Variants in CFAP299 observed in about 807,000 individuals in gnomAD.
CFAP299 encodes cilia and flagella associated protein 299.
A neutral mutation model predicts 27.0 loss-of-function variants in CFAP299; 21 were observed. That is an observed-to-expected ratio of 0.78 (90% CI 0.55 to 1.12). The LOEUF is 1.12. Among genes scored for constraint, CFAP299 ranks in the 50% most tolerant of loss-of-function variants. The pLI, the probability that CFAP299 is intolerant of heterozygous loss-of-function variation, is 0.00. For synonymous variants in CFAP299, 104 were observed against 98.1 expected, an observed-to-expected ratio of 1.06 and a Z score of -0.36; for missense variants, 310 against 276.6, an observed-to-expected ratio of 1.12 and a Z score of -0.86.
chr4:80,480,617 A>T (rs1730515931), intron 2 of CFAP299, among the ~76,000 whole-genome samples: 1 of 152,042 alleles, frequency 6.6e-6, no homozygotes, highest in Admixed American at 6.5e-5. Context: ...TTCAAGGCCT[A>T]ATTAGTTTTG....
intron 4 of CFAP299, among the ~76,000 whole-genome samples, chr4:80,913,925 A>C (rs1353407112): frequency 2.6e-5 from 4 of 152,058 alleles, no homozygotes. Context: ...CTTGAATTTC[A>C]CTTAACTGGA....
At chr4:80,947,654 T>G (rs1165201906) in intron 5 of CFAP299, among the ~76,000 whole-genome samples, 1 of 152,164 alleles carries the variant, frequency 6.6e-6, no homozygotes, top group Non-Finnish European at 1.5e-5. Flanking sequence ...AGGTTGTTCA[T>G]GAACTGCAGT....
intron 2 of CFAP299, chr4:80,420,364 C>G (rs1727235011): frequency 3.1e-6 from 1 of 323,616 alleles, no homozygotes; most frequent in Admixed American, 3.5e-5. Flanking sequence ...GCCCTCTGAA[C>G]AGTCATCTCA....
the CFAP299 span, among the ~76,000 whole-genome samples, chr4:80,329,835 G>A: frequency 6.6e-6 from 1 of 152,120 alleles, no homozygotes; most frequent in African/African-American, 2.4e-5. Context: ...AAGCTCTTAG[G>A]AATTCTATAG....
At chr4:80,527,110 A>G (rs1173027989) in intron 2 of CFAP299, among the ~76,000 whole-genome samples, 3 of 152,148 alleles carry the variant, frequency 2.0e-5, no homozygotes, top group African/African-American at 4.8e-5. Context: ...CCTTCGTGCT[A>G]AGCATATTCA....
chr4:80,924,557 T>C (rs1465589549), intron 4 of CFAP299, among the ~76,000 whole-genome samples: 1 of 149,402 alleles, frequency 6.7e-6, no homozygotes, highest in Non-Finnish European at 1.5e-5. Flanking sequence ...TATATATATA[T>C]ATATATCTGT....
chr4:80,622,616 G>C (rs1322395710), intron 3 of CFAP299, among the ~76,000 whole-genome samples: 1 of 151,954 alleles, frequency 6.6e-6, no homozygotes, highest in Non-Finnish European at 1.5e-5. Flanking sequence ...TTCTCACTCA[G>C]ATAGCAAAAT....
At chr4:80,648,326 T>C (rs1182974462) in intron 3 of CFAP299, among the ~76,000 whole-genome samples, 1 of 152,212 alleles carries the variant, frequency 6.6e-6, no homozygotes, top group Non-Finnish European at 1.5e-5. Flanking sequence ...GAGCAGTCAC[T>C]TGCCTAGAAA....
At chr4:80,478,398 G>T (rs1181874779) in intron 2 of CFAP299, among the ~76,000 whole-genome samples, 5 of 151,872 alleles carry the variant, frequency 3.3e-5, no homozygotes, top group African/African-American at 1.2e-4. Context: ...ATAACAAAAG[G>T]CATATAAATT....
At chr4:80,681,285 G>A (rs942678810) in intron 3 of CFAP299, among the ~76,000 whole-genome samples, 1 of 152,114 alleles carries the variant, frequency 6.6e-6, no homozygotes, top group Non-Finnish European at 1.5e-5. Flanking sequence ...TTCTGCATAT[G>A]CATATGTCTG....
chr4:80,751,891 C>A (rs548331958), intron 3 of CFAP299, among the ~76,000 whole-genome samples: 5 of 152,250 alleles, frequency 3.3e-5, no homozygotes, highest in Admixed American at 2.0e-4. Context: ...TGGATTCAAC[C>A]CCTTTTCTAG....
intron 3 of CFAP299, among the ~76,000 whole-genome samples, chr4:80,800,510 A>C (rs1578138981): frequency 4.3e-5 from 1 of 23,172 alleles, no homozygotes; most frequent in Non-Finnish European, 6.0e-5. Context: ...TATATTATAT[A>C]ATATATAATA....
At chr4:80,542,898 G>T (rs1390023117) in intron 2 of CFAP299, among the ~76,000 whole-genome samples, 1 of 151,950 alleles carries the variant, frequency 6.6e-6, no homozygotes, top group Non-Finnish European at 1.5e-5. Context: ...TCACCTGCAT[G>T]CCCCTGCTGC....
intron 3 of CFAP299, among the ~76,000 whole-genome samples, chr4:80,812,149 AGTAT>A (rs1458465587): frequency 2.0e-5 from 3 of 152,122 alleles, no homozygotes; most frequent in Non-Finnish European, 4.4e-5. Flanking sequence ...AATGGTGAAT[AGTAT>A]GTGTCTGTGA....
chr4:80,785,560 T>A (rs990515325), intron 3 of CFAP299, among the ~76,000 whole-genome samples: 2 of 152,166 alleles, frequency 1.3e-5, no homozygotes, highest in Admixed American at 1.3e-4. Flanking sequence ...ATTGTGAAAA[T>A]TTGGAATTAT....
intron 2 of CFAP299, among the ~76,000 whole-genome samples, chr4:80,547,049 G>A (rs926876433): frequency 6.6e-6 from 1 of 151,846 alleles, no homozygotes; most frequent in African/African-American, 2.4e-5. Context: ...TCATATGGAA[G>A]CAAAAAGAGC....
At chr4:80,471,584 GGGGGGGAGCAGGGGGGTT>G (rs1362044022) in intron 2 of CFAP299, among the ~76,000 whole-genome samples, 3 of 109,432 alleles carry the variant, frequency 2.7e-5, no homozygotes, top group South Asian at 7.2e-4. Context: ...GGGTGGGGGT[GGGGGGGAGCAGGGGGGTT>G]GGGGGGAGCA....
Position 80,766,893 on chromosome 4 carries a change from T to C in CFAP299, c.334-103100T>C, listed in dbSNP as rs138491133. 2.8e-3 allele frequency among the ~76,000 whole-genome samples: 419 copies of C among 152,284 alleles called. 1 individual carries two copies. Among genetic ancestry groups the C allele is most frequent in the African/African-American group, 9.0e-3 (375 of 41,560 alleles). ...GAGAGTCAATTTGTTAAAATAGTTG[T>C]GTATTTATGTGTATGTGTATGTAGC... is the stretch of plus-strand genomic sequence containing the variant. On this transcript the variant is annotated intron_variant, in intron 3 of 5. Transcript: ENST00000358105.
At chr4:80,585,975 T>G (rs759151557) in intron 3 of CFAP299, among the ~76,000 whole-genome samples, 5 of 152,134 alleles carry the variant, frequency 3.3e-5, no homozygotes, top group Non-Finnish European at 5.9e-5. Context: ...TGATAATAAT[T>G]TTAATAATGG....
Sources: allele counts gnomAD v4.1 joint callset (sites outside exome capture counted in the v4.1 genomes callset), GRCh38; gene constraint gnomAD v4.1.1; transcripts MANE v1.5; gene names NCBI Gene and HGNC (gene_info 2026-07-23, HGNC 2026-07-21).